Variants in PTPN4 observed in about 807,000 individuals in gnomAD.
PTPN4 encodes protein tyrosine phosphatase non-receptor type 4, also known as tyrosine-protein phosphatase non-receptor type 4.
In PTPN4, 49 loss-of-function variants were observed where a neutral mutation model predicts 135.5. The observed-to-expected ratio is 0.36, with a 90% CI of 0.29 to 0.46. The LOEUF is 0.46. PTPN4 is among the 20% of genes least tolerant of loss of function. The probability of loss-of-function intolerance (pLI) is 1.00; values close to 1 mark genes in which losing one functional copy is unlikely to be tolerated. For synonymous variants in PTPN4, 333 were observed against 369.9 expected, an observed-to-expected ratio of 0.90 and a Z score of 1.14; for missense variants, 860 against 1,101.0, an observed-to-expected ratio of 0.78 and a Z score of 3.10.
intron 14 of PTPN4, among the ~76,000 whole-genome samples, chr2:119,934,305 C>A (rs7600725): frequency 0.025 from 3,837 of 152,118 alleles, 163 homozygotes; most frequent in African/African-American, 0.087. Context: ...CTGACACATA[C>A]ATAAATACTG....
chr2:119,914,248 A>ATTTTTTTTTTTTTTTTTTTTTTTTTTTT lies in PTPN4; in HGVS notation c.765-930_765-903dup, dbSNP rs55911315. Among the ~76,000 whole-genome samples, 6 of 97,432 alleles carry ATTTTTTTTTTTTTTTTTTTTTTTTTTTT rather than the reference A, an allele frequency of 6.2e-5. 1 individual carries two copies. Among genetic ancestry groups the ATTTTTTTTTTTTTTTTTTTTTTTTTTTT allele is most frequent in the African/African-American group, 3.5e-4 (6 of 17,040 alleles). 63.9% of individuals were successfully genotyped at this position (97,432 alleles called of 152,430 possible). ...CATAAATACAGTCAATAGTTACTCA[A>ATTTTTTTTTTTTTTTTTTTTTTTTTTTT]TTTTTTTTTTTTTTTTTTTTTTTTT... On this transcript the variant is annotated intron_variant, in intron 10 of 26. Coordinates refer to ENST00000263708, the MANE Select transcript of PTPN4 (RefSeq NM_002830.4).
chr2:119,911,497 A>C (rs1353080470), intron 10 of PTPN4, among the ~76,000 whole-genome samples: 1 of 152,142 alleles, frequency 6.6e-6, no homozygotes, highest in East Asian at 1.9e-4. Context: ...AATACAAGGC[A>C]CTTTCTATTT....
intron 19 of PTPN4, among the ~76,000 whole-genome samples, chr2:119,952,850 A>G (rs1679228662): frequency 6.6e-6 from 1 of 152,182 alleles, no homozygotes; most frequent in African/African-American, 2.4e-5. Flanking sequence ...CATTCTACCA[A>G]TATAGATAGA....
At chr2:119,772,791 G>A (rs1340733375) in intron 1 of PTPN4, among the ~76,000 whole-genome samples, 5 of 152,124 alleles carry the variant, frequency 3.3e-5, no homozygotes, top group African/African-American at 9.6e-5. Flanking sequence ...CACCTGCCTC[G>A]GCCTCCCAAA....
At chr2:119,902,242 C>T (rs1250061749) in intron 10 of PTPN4, among the ~76,000 whole-genome samples, 1 of 152,088 alleles carries the variant, frequency 6.6e-6, no homozygotes, top group Non-Finnish European at 1.5e-5. Flanking sequence ...CTTCAGAAAC[C>T]ATGTAAGCAA....
chr2:119,914,950 T>C (rs1052946286), intron 10 of PTPN4, among the ~76,000 whole-genome samples: 2 of 152,172 alleles, frequency 1.3e-5, no homozygotes, highest in African/African-American at 4.8e-5. Context: ...ATTTGTGACA[T>C]CTGTTTTTAA....
chr2:119,880,217 A>G (rs1678050875), intron 5 of PTPN4: 1 of 152,180 alleles, frequency 6.6e-6, no homozygotes, highest in Non-Finnish European at 1.5e-5. Context: ...TAATTTGCCC[A>G]AGATCACAGG....
intron 3 of PTPN4, among the ~76,000 whole-genome samples, chr2:119,864,837 A>G (rs1677809778): frequency 6.6e-6 from 1 of 152,098 alleles, no homozygotes; most frequent in Non-Finnish European, 1.5e-5. Flanking sequence ...TGTCTTGAGT[A>G]TTCCTTCTCA....
Position 119,960,791 on chromosome 2 carries a change from G to A in PTPN4, c.2134-16G>A, listed in dbSNP as rs1284700202. The A allele has an allele frequency of 1.2e-6, 2 of 1,602,764 alleles. No individual in the cohort carries two copies. Among genetic ancestry groups the A allele is most frequent in the Non-Finnish European group, 1.7e-6 (2 of 1,176,768 alleles). Reference sequence around the variant, plus strand: ...GTAATGCAAAACATTTTATTTTCATGCCCTTTTCTTTTTAGATGGAAATTC... The same window carrying A: ...GTAATGCAAAACATTTTATTTTCATACCCTTTTCTTTTTAGATGGAAATTC... On this transcript the variant is annotated splice_polypyrimidine_tract_variant and intron_variant, in intron 22 of 26. Coordinates refer to ENST00000263708, the MANE Select transcript of PTPN4 (RefSeq NM_002830.4).
At chr2:119,896,367 T>C (rs546112609) in intron 9 of PTPN4, among the ~76,000 whole-genome samples, 64 of 152,338 alleles carry the variant, frequency 4.2e-4, no homozygotes, top group African/African-American at 1.5e-3. Flanking sequence ...AATTTACCTG[T>C]AAAGCACTGG....
intron 9 of PTPN4, among the ~76,000 whole-genome samples, chr2:119,886,184 G>T (rs1432788458): frequency 1.3e-5 from 2 of 152,164 alleles, no homozygotes; most frequent in Non-Finnish European, 2.9e-5. Flanking sequence ...TATAGGAAAA[G>T]TGGCTTTTGT....
At chr2:119,847,283 C>T (rs111340467) in intron 2 of PTPN4, among the ~76,000 whole-genome samples, 3,892 of 102,456 alleles carry the variant, frequency 0.038, 151 homozygotes, top group African/African-American at 0.096. Context: ...TATACACACA[C>T]ACACACACAC....
At chr2:119,794,908 G>T (rs1691223884) in intron 1 of PTPN4, among the ~76,000 whole-genome samples, 1 of 152,304 alleles carries the variant, frequency 6.6e-6, no homozygotes, top group African/African-American at 2.4e-5. Context: ...GAGGAGACCT[G>T]CAGTGGGCAG....
chr2:119,908,370 T>C (rs1678519934), intron 10 of PTPN4, among the ~76,000 whole-genome samples: 1 of 152,210 alleles, frequency 6.6e-6, no homozygotes, highest in African/African-American at 2.4e-5. Context: ...TCTGCCAGCA[T>C]GTGCTCACAT....
intron 2 of PTPN4, among the ~76,000 whole-genome samples, chr2:119,846,761 T>C (rs952754472): frequency 6.6e-6 from 1 of 152,048 alleles, no homozygotes. Context: ...TTTTTCAGTT[T>C]TCTTTTTTTT....
At chr2:119,903,807 G>T (rs1015794383) in intron 10 of PTPN4, among the ~76,000 whole-genome samples, 2 of 152,132 alleles carry the variant, frequency 1.3e-5, no homozygotes, top group African/African-American at 4.8e-5. Context: ...CACAGCTGGT[G>T]CCCATGAACC....
At chr2:119,897,070 C>T (rs1678335525) in intron 9 of PTPN4, among the ~76,000 whole-genome samples, 1 of 152,132 alleles carries the variant, frequency 6.6e-6, no homozygotes, top group African/African-American at 2.4e-5. Context: ...AAGGTGCACA[C>T]CACCACACCC....
chr2:119,763,638 A>T (rs183097018), intron 1 of PTPN4, among the ~76,000 whole-genome samples: 1 of 152,320 alleles, frequency 6.6e-6, no homozygotes, highest in South Asian at 2.1e-4. Context: ...AATGATGGAA[A>T]TATTCTTTTT....
At chr2:119,933,040 G>GCT (rs1678928748) in intron 14 of PTPN4, among the ~76,000 whole-genome samples, 4 of 152,124 alleles carry the variant, frequency 2.6e-5, no homozygotes, top group Admixed American at 1.3e-4. Context: ...CATAAGCTTA[G>GCT]CTCTCCCTGA....
Sources: allele counts gnomAD v4.1 joint callset (sites outside exome capture counted in the v4.1 genomes callset), GRCh38; gene constraint gnomAD v4.1.1; transcripts MANE v1.5; gene names NCBI Gene and HGNC (gene_info 2026-07-23, HGNC 2026-07-21).